Variants in HERC1 observed in about 807,000 individuals in gnomAD.
HERC1 encodes probable E3 ubiquitin-protein ligase HERC1.
In HERC1, 160 loss-of-function variants were observed where a neutral mutation model predicts 554.3. That is an observed-to-expected ratio of 0.29 (90% CI 0.25 to 0.33). The LOEUF is 0.33. HERC1 is among the 10% of genes least tolerant of loss of function. The pLI is 1.00. For missense variants in HERC1, 4,919 were observed against 5,918.5 expected, an observed-to-expected ratio of 0.83 and a Z score of 5.54; for synonymous variants, 2,175 against 2,131.7, an observed-to-expected ratio of 1.02 and a Z score of -0.56.
intron 12 of HERC1, among the ~76,000 whole-genome samples, chr15:63,744,600 T>C (rs1369928761): frequency 6.6e-6 from 1 of 152,082 alleles, no homozygotes; most frequent in African/African-American, 2.4e-5. Flanking sequence ...TTTCCAAAGC[T>C]AGAGGAGCCT....
At chr15:63,668,704 A>G (rs2070759737) in intron 40 of HERC1, among the ~76,000 whole-genome samples, 1 of 152,228 alleles carries the variant, frequency 6.6e-6, no homozygotes, top group Admixed American at 6.5e-5. Context: ...ATAATAACAG[A>G]AGGTCTATTC....
In HERC1 at chr15:63,694,752, T is replaced by C. The variant is rs773865560; in HGVS notation, c.5242+22A>G. The C allele has an allele frequency of 1.9e-6, 3 of 1,613,740 alleles. No individual in the cohort carries two copies. The highest frequency in any genetic ancestry group is 2.2e-5 in the East Asian group (1 of 44,888). On this transcript the variant is annotated intron_variant, in intron 28 of 77. Transcript: ENST00000443617. This position sits in a 1 kb window ranked among gnomAD's most constrained non-coding sequence, Gnocchi z 4.3. ...GCTAAAATGTAACCTGCACTGTACA[T>C]TTGCAGGAACCGTTTACTTACCAAT... is the stretch of plus-strand genomic sequence containing the variant.
chr15:63,781,146 T>A (rs930206609), intron 1 of HERC1, among the ~76,000 whole-genome samples: 1 of 152,092 alleles, frequency 6.6e-6, no homozygotes, highest in African/African-American at 2.4e-5. Flanking sequence ...CACAAACAGT[T>A]TTATTTTACT....
intron 1 of HERC1, among the ~76,000 whole-genome samples, chr15:63,793,103 TG>T (rs756905760): frequency 1.8e-4 from 28 of 152,338 alleles, no homozygotes; most frequent in Middle Eastern, 6.8e-3. Context: ...ACGCCCTCTC[TG>T]GGGATGCCAC....
intron 1 of HERC1, among the ~76,000 whole-genome samples, chr15:63,826,697 A>G (rs992119731): frequency 6.7e-5 from 10 of 148,734 alleles, no homozygotes; most frequent in Middle Eastern, 3.4e-3. Flanking sequence ...TTTTCAAGCT[A>G]TAAGAACCAA....
intron 1 of HERC1, among the ~76,000 whole-genome samples, chr15:63,800,953 T>A (rs929049073): frequency 6.6e-6 from 1 of 151,750 alleles, no homozygotes; most frequent in Non-Finnish European, 1.5e-5. Flanking sequence ...GGAAAAGGGG[T>A]GGAGATAGAG....
intron 77 of HERC1, among the ~76,000 whole-genome samples, chr15:63,610,034 G>A (rs559493627): frequency 4.1e-4 from 63 of 151,870 alleles, no homozygotes; most frequent in Non-Finnish European, 8.5e-4. Flanking sequence ...GATTATATAC[G>A]TTCCCTATCC....
In HERC1 at chr15:63,674,497, T is replaced by C; in HGVS notation, c.7691A>G (p.Gln2564Arg). The change falls in exon 38 of 78, where the codon CAG becomes CGG. Residue 2564 changes from glutamine (Q) to arginine (R), a missense_variant. Gln to Arg is a conservative substitution (Grantham distance 43). Coordinates refer to ENST00000443617, the MANE Select transcript of HERC1 (RefSeq NM_003922.4). Reference sequence around the variant, plus strand: ...CTTCACCATGTGTCGCATCAAGAACTGCAGGGCTGCTCGCATCTCCACGTC... The same window carrying C: ...CTTCACCATGTGTCGCATCAAGAACCGCAGGGCTGCTCGCATCTCCACGTC... ...HEDVEMRAAL[Q>R]FLMRHMVKRA... is the part of the protein sequence containing the mutation. The C allele has an allele frequency of 1.2e-6, 2 of 1,613,850 alleles. No individual in the cohort carries two copies. Among genetic ancestry groups the C allele is most frequent in the Non-Finnish European group, 1.7e-6 (2 of 1,179,844 alleles).
At chr15:63,765,291 G>T (rs533984594) in intron 2 of HERC1, among the ~76,000 whole-genome samples, 13 of 152,080 alleles carry the variant, frequency 8.5e-5, no homozygotes, top group Non-Finnish European at 1.6e-4. Context: ...CCTTTAAATA[G>T]TGAAGCCCTC....
At position 63,623,819 on chromosome 15, in the gene HERC1, C is replaced by A; in HGVS notation, c.13517G>T (p.Arg4506Leu). 5.6e-6 allele frequency: 9 copies of A among 1,613,954 alleles called. No homozygotes were observed. Among genetic ancestry groups the A allele is most frequent in the Non-Finnish European group, 7.6e-6 (9 of 1,179,874 alleles). The change falls in exon 73 of 78, where the codon CGC becomes CTC. Residue 4506 changes from arginine (R) to leucine (L), a missense_variant. By Grantham distance (102) the Arg-to-Leu change is moderately radical. Coordinates refer to ENST00000443617, the MANE Select transcript of HERC1 (RefSeq NM_003922.4). ...QVVKLNASDL[R>L]LPSRAWKVKL... ...AACCTTCCACGCTCGGGAAGGCAGG[C>A]GGAGGTCTGAAGCATTCAGCTTAAC...
chr15:63,784,774 A>T (rs2076389058), intron 1 of HERC1, among the ~76,000 whole-genome samples: 1 of 151,778 alleles, frequency 6.6e-6, no homozygotes, highest in Admixed American at 6.6e-5. Context: ...CATCCAGCTA[A>T]TTTTTTTTGT....
intron 47 of HERC1, among the ~76,000 whole-genome samples, 152 bp downstream of exon 47, chr15:63,659,584 G>A (rs918975230): frequency 1.3e-5 from 2 of 152,174 alleles, no homozygotes; most frequent in Non-Finnish European, 2.9e-5. Context: ...CCTTCAAAAT[G>A]TTAAAACAAC....
rs1040161768 is a variant in HERC1, at chr15:63,666,481, A to G, written c.8207-9T>C. The G allele has an allele frequency of 6.5e-7, 1 of 1,538,090 alleles. No individual in the cohort carries two copies. Among genetic ancestry groups the G allele is most frequent in the Non-Finnish European group, 8.9e-7 (1 of 1,120,510 alleles). On this transcript the variant is annotated splice_polypyrimidine_tract_variant and intron_variant, in intron 40 of 77. Transcript: ENST00000443617. ...GCTTGGGTCTGACAAGGCTGAGACA[A>G]AAGGAAGAGAAATAAGAACCTAAAT...
chr15:63,665,213 A>G (rs2070559442), intron 42 of HERC1, among the ~76,000 whole-genome samples: 1 of 152,236 alleles, frequency 6.6e-6, no homozygotes, highest in Non-Finnish European at 1.5e-5. Context: ...AGATGAAAAT[A>G]TAAATATTAC....
intron 2 of HERC1, among the ~76,000 whole-genome samples, chr15:63,772,609 GAAAAC>G (rs1312939535): frequency 6.6e-6 from 1 of 151,708 alleles, no homozygotes. Flanking sequence ...TTAAGAATCA[GAAAAC>G]AAAGTTAGAA....
At position 63,758,103 on chromosome 15, in the gene HERC1, A is replaced by G; in HGVS notation, c.1221+72T>C. 1 of 1,077,952 alleles carries G rather than the reference A, an allele frequency of 9.3e-7. No homozygotes were observed. Among genetic ancestry groups the G allele is most frequent in the East Asian group, 2.4e-5 (1 of 41,690 alleles). 66.8% of individuals were successfully genotyped at this position (1,077,952 alleles called of 1,614,324 possible). Reference sequence around the variant, plus strand: ...TTCACTCATTTAAAAAATACTCAGTATTATTTAATGCAAATAAGCATGAAT... The same window carrying G: ...TTCACTCATTTAAAAAATACTCAGTGTTATTTAATGCAAATAAGCATGAAT... On this transcript the variant is annotated intron_variant, in intron 4 of 77. Transcript: ENST00000443617. This position sits in a 1 kb window ranked among gnomAD's most constrained non-coding sequence, Gnocchi z 4.0.
At position 63,716,396 on chromosome 15, in the gene HERC1, T is replaced by C. The variant is rs1223097866; in HGVS notation, c.4056A>G (p.Glu1352=). The change falls in exon 22 of 78, where the codon GAA becomes GAG. Residue 1352 remains glutamate (E), a synonymous_variant. Coordinates refer to ENST00000443617, the MANE Select transcript of HERC1 (RefSeq NM_003922.4). ...SFTRTIDEEA[E]MEEQAERDRE... ...GGTCTCTCTCAGCCTGTTCTTCCAT[T>C]TCAGCTTCTTCATCAATAGTTCGAG... 1.2e-6 allele frequency: 2 copies of C among 1,613,874 alleles called. No individual in the cohort carries two copies. Among genetic ancestry groups the C allele is most frequent in the South Asian group, 2.2e-5 (2 of 91,086 alleles).
intron 42 of HERC1, among the ~76,000 whole-genome samples, chr15:63,665,295 A>G (rs1216590233): frequency 6.6e-6 from 1 of 152,242 alleles, no homozygotes; most frequent in Non-Finnish European, 1.5e-5. Context: ...GCACTTTGGA[A>G]GACCAAGGTG....
In HERC1 at chr15:63,694,816, C is replaced by A; in HGVS notation, c.5200G>T (p.Ala1734Ser). The A allele has an allele frequency of 6.2e-7, 1 of 1,613,874 alleles. No homozygotes were observed. Among genetic ancestry groups the A allele is most frequent in the Non-Finnish European group, 8.5e-7 (1 of 1,179,820 alleles). ...GCTTGCAGGGCTCTTTCCAGGGTAGCAGACAACTGTTGATAAATTTTATGC... is the reference window on the plus strand; with the variant it reads ...GCTTGCAGGGCTCTTTCCAGGGTAGAAGACAACTGTTGATAAATTTTATGC... Reference protein sequence around the residue: ...AVHKIYQQLSATLERALQANK... With the variant: ...AVHKIYQQLSSTLERALQANK... The change falls in exon 28 of 78, where the codon GCT (alanine) becomes TCT (serine). Residue 1734 changes from alanine to serine, a missense_variant. Transcript: ENST00000443617. This position sits in a 1 kb window ranked among gnomAD's most constrained non-coding sequence, Gnocchi z 4.3.
Sources: gnomAD v4.1 joint callset for allele counts (sites outside exome capture counted in the v4.1 genomes callset) on GRCh38, gnomAD v4.1.1 for gene constraint, Gnocchi (gnomAD v3.1) non-coding constraint, MANE v1.5 for transcripts, NCBI Gene and HGNC (gene_info 2026-07-23, HGNC 2026-07-21) for gene names.